PROS1: variants seen among roughly 807,000 people sequenced by gnomAD.
PROS1 encodes protein S, also known as vitamin K-dependent protein S.
A neutral mutation model predicts 75.9 loss-of-function variants in PROS1; 29 were observed. That is an observed-to-expected ratio of 0.38 (90% CI 0.28 to 0.52). PROS1 has a LOEUF of 0.52. Ranked by LOEUF, PROS1 falls within the 20% of genes least tolerant of loss-of-function variation. PROS1 has a pLI of 0.83. For synonymous variants in PROS1, 245 were observed against 280.6 expected (o/e 0.87, Z 1.27); for missense variants, 680 against 810.3 (o/e 0.84, Z 1.95).
At chr3:93,897,008 T>C (rs1341503838) in intron 8 of PROS1, among the ~76,000 whole-genome samples, 1 of 152,164 alleles carries the variant, frequency 6.6e-6, no homozygotes, top group Non-Finnish European at 1.5e-5. Context: ...AACCAATATA[T>C]ATTTCTTTAA....
At chr3:93,918,130 A>G (rs1259406029) in intron 3 of PROS1, among the ~76,000 whole-genome samples, 1 of 151,864 alleles carries the variant, frequency 6.6e-6, no homozygotes, top group African/African-American at 2.4e-5. Context: ...ATCTAGCTCA[A>G]GGTTTGTAAA....
At chr3:93,893,854 A>T (rs1404310567) in intron 9 of PROS1, among the ~76,000 whole-genome samples, 5 of 152,188 alleles carry the variant, frequency 3.3e-5, no homozygotes, top group Non-Finnish European at 7.4e-5. Flanking sequence ...TTTGGGGGGT[A>T]TCTGAGTGCT....
At chr3:93,904,061 C>T (rs1305774883) in intron 6 of PROS1, among the ~76,000 whole-genome samples, 18 of 146,948 alleles carry the variant, frequency 1.2e-4, no homozygotes, top group African/African-American at 3.3e-4. Flanking sequence ...TGAGAATATG[C>T]GGTGTTTGGT....
intron 9 of PROS1, among the ~76,000 whole-genome samples, chr3:93,895,015 T>A (rs1203590475): frequency 6.6e-6 from 1 of 152,142 alleles, no homozygotes. Context: ...GGTATCAATA[T>A]CCACAGATGC....
At chr3:93,917,968 G>A (rs906118311) in intron 3 of PROS1, among the ~76,000 whole-genome samples, 5 of 152,136 alleles carry the variant, frequency 3.3e-5, no homozygotes, top group South Asian at 4.1e-4. Context: ...TGAGGAGTGC[G>A]GGCACACGGC....
chr3:93,965,686 C>A (rs1266039458), intron 1 of PROS1, among the ~76,000 whole-genome samples: 1 of 151,974 alleles, frequency 6.6e-6, no homozygotes, highest in Non-Finnish European at 1.5e-5. Context: ...CAACCTGATA[C>A]TTTTCTTTTC....
At chr3:93,921,968 T>C (rs1409195537) in intron 3 of PROS1, among the ~76,000 whole-genome samples, 1 of 152,204 alleles carries the variant, frequency 6.6e-6, no homozygotes, top group Non-Finnish European at 1.5e-5. Flanking sequence ...GTTTTCTCAA[T>C]TGGAAAGTTC....
intron 1 of PROS1, among the ~76,000 whole-genome samples, chr3:93,931,774 C>T (rs1307299714): frequency 6.6e-6 from 1 of 152,180 alleles, no homozygotes; most frequent in Non-Finnish European, 1.5e-5. Flanking sequence ...AACACTCGGT[C>T]AAAGAGCAGA....
rs774875701 is a variant in PROS1 at position 93,960,532 on chromosome 3, C to CTT, written c.76+13140_76+13141dup. Among the ~76,000 whole-genome samples the CTT allele has an allele frequency of 5.9e-3, 298 of 50,142 alleles. 44 individuals are homozygous for CTT. The highest frequency in any genetic ancestry group is 0.017 in the Middle Eastern group (1 of 60). The allele number at this position is 50,142 out of a possible 152,430, so 32.9% of individuals were successfully genotyped here. A position where few individuals can be genotyped will look rare whatever the true frequency, so the allele number is the denominator to read the frequency against. On this transcript the variant is annotated intron_variant, in intron 1 of 14. Coordinates refer to ENST00000394236, the MANE Select transcript of PROS1 (RefSeq NM_000313.4). ...AAACAAGTACACCACCTCCATTGCT[C>CTT]TTTTTTTTTTTTTTTTTTTTTTTTT...
chr3:93,960,176 CTTT>C (rs997640046), intron 1 of PROS1, among the ~76,000 whole-genome samples: 3 of 138,968 alleles, frequency 2.2e-5, no homozygotes, highest in East Asian at 2.1e-4. Flanking sequence ...GCGTTTGTCA[CTTT>C]TTTTTTTTTT....
At chr3:93,897,391 A>T (rs1439898853) in intron 8 of PROS1, among the ~76,000 whole-genome samples, 1 of 152,114 alleles carries the variant, frequency 6.6e-6, no homozygotes, top group African/African-American at 2.4e-5. Context: ...AATTACGTAC[A>T]TAGCACTATA....
chr3:93,960,476 G>A (rs1271370770), intron 1 of PROS1, among the ~76,000 whole-genome samples: 1 of 149,272 alleles, frequency 6.7e-6, no homozygotes, highest in African/African-American at 2.5e-5. Context: ...GCGTCTGGCT[G>A]CGTTTGTCAC....
At position 93,941,128 on chromosome 3, in the gene PROS1, C is replaced by T. The variant is rs542158867; in HGVS notation, c.77-13721G>A. 1.1e-4 allele frequency among the ~76,000 whole-genome samples: 16 copies of T among 152,280 alleles called. No homozygotes were observed. The East Asian group carries it at 1.5e-3, about 15-fold the overall frequency. ...CTGTACTGCTGCAAGGCTTCAGGGA[C>T]AGCCCTCATTACTTCAGCCAAGCTC... is the stretch of plus-strand genomic sequence containing the variant. On this transcript the variant is annotated intron_variant, in intron 1 of 14. Transcript: ENST00000394236.
rs71105164 is a variant in PROS1, at chr3:93,881,556, C to CTTTT, written c.1493-2246_1493-2243dup. 1.7e-3 allele frequency among the ~76,000 whole-genome samples: 196 copies of CTTTT among 118,442 alleles called. 1 individual carries two copies. The highest frequency in any genetic ancestry group is 5.4e-3 in the Middle Eastern group (1 of 186). 77.7% of individuals were successfully genotyped at this position (118,442 alleles called of 152,430 possible). A position where few individuals can be genotyped will look rare whatever the true frequency, so the allele number is the denominator to read the frequency against. On this transcript the variant is annotated intron_variant, in intron 12 of 14. Coordinates refer to ENST00000394236, the MANE Select transcript of PROS1 (RefSeq NM_000313.4). Reference sequence around the variant, plus strand: ...AAAATGTATTTTAATGTAGTAAGCACTTTTTTTTTTTTTTTTTTTGTGAGA... The same window carrying CTTTT: ...AAAATGTATTTTAATGTAGTAAGCACTTTTTTTTTTTTTTTTTTTTTTTGTGAGA...
intron 10 of PROS1, among the ~76,000 whole-genome samples, chr3:93,888,726 C>G (rs577479578): frequency 6.6e-6 from 1 of 152,140 alleles, no homozygotes; most frequent in African/African-American, 2.4e-5. Context: ...ATCTTCTCTC[C>G]GCTGGGTTAT....
intron 1 of PROS1, among the ~76,000 whole-genome samples, chr3:93,935,225 C>G (rs1416096813): frequency 1.3e-5 from 2 of 151,892 alleles, no homozygotes; most frequent in Non-Finnish European, 2.9e-5. Context: ...TTTTTTTTCT[C>G]CTGACTACTA....
chr3:93,883,556 T>C (rs561500302), intron 12 of PROS1, among the ~76,000 whole-genome samples: 13 of 151,236 alleles, frequency 8.6e-5, no homozygotes, highest in African/African-American at 2.9e-4. Flanking sequence ...ATTGTGGCAC[T>C]GAGCTCCAGC....
At chr3:93,942,684 A>G (rs982083036) in intron 1 of PROS1, among the ~76,000 whole-genome samples, 9 of 152,188 alleles carry the variant, frequency 5.9e-5, no homozygotes, top group African/African-American at 1.9e-4. Flanking sequence ...TCACAGGCCC[A>G]TTCTATTCTG....
rs1055768691 is a variant in PROS1, at chr3:93,927,179, C to T, written c.234+71G>A. 5.6e-5 allele frequency: 88 copies of T among 1,577,464 alleles called. 1 individual carries two copies. The highest frequency in any genetic ancestry group is 4.5e-4 in the Middle Eastern group (2 of 4,406). ...CTTTAAGATGGAACAGAAGGAAGTA[C>T]AGGCTGGAAATGTTCAGTCTGTAGT... On this transcript the variant is annotated intron_variant, in intron 2 of 14. Coordinates refer to ENST00000394236, the MANE Select transcript of PROS1 (RefSeq NM_000313.4).
Sources: allele counts gnomAD v4.1 joint callset (sites outside exome capture counted in the v4.1 genomes callset), GRCh38; gene constraint gnomAD v4.1.1; transcripts MANE v1.5; gene names NCBI Gene and HGNC (gene_info 2026-07-23, HGNC 2026-07-21).